ZNF565: variants seen among roughly 807,000 people sequenced by gnomAD.
ZNF565 encodes the protein zinc finger protein 565.
A neutral mutation model predicts 39.4 loss-of-function variants in ZNF565; 27 were observed. That is an observed-to-expected ratio of 0.69 (90% CI 0.51 to 0.95). The LOEUF (loss-of-function observed/expected upper bound fraction) is 0.95, where lower values mean the gene tolerates loss of function less well. Among genes scored for constraint, ZNF565 ranks in the 40% least tolerant of loss-of-function variants. ZNF565 has a pLI of 0.00. For synonymous variants in ZNF565, 185 were observed against 216.6 expected (o/e 0.85, Z 1.28); for missense variants, 524 against 621.1 (o/e 0.84, Z 1.66).
At chr19:36,235,326 A>G (rs1467614147) in intron 1 of ZNF565, among the ~76,000 whole-genome samples, 1 of 152,104 alleles carries the variant, frequency 6.6e-6, no homozygotes, top group African/African-American at 2.4e-5. Flanking sequence ...TTGTTATACA[A>G]CTTGCTAAAT....
At chr19:36,244,597 A>C (rs2029879621) in intron 1 of ZNF565, among the ~76,000 whole-genome samples, 1 of 152,012 alleles carries the variant, frequency 6.6e-6, no homozygotes, top group African/African-American at 2.4e-5. Context: ...TCACGCCTGT[A>C]ATTTCAGCAC....
intron 2 of ZNF565, among the ~76,000 whole-genome samples, chr19:36,196,646 G>A (rs1454087019): frequency 6.6e-6 from 1 of 152,128 alleles, no homozygotes; most frequent in East Asian, 1.9e-4. Flanking sequence ...AAAACACACA[G>A]CAAACCTGGG....
chr19:36,187,767 A>G (rs982194394), intron 4 of ZNF565, among the ~76,000 whole-genome samples: 2 of 151,828 alleles, frequency 1.3e-5, no homozygotes, highest in African/African-American at 4.8e-5. Flanking sequence ...CCTCCCGAGT[A>G]GCTGGGGCTA....
chr19:36,188,369 A>G (rs1365848381), intron 4 of ZNF565, among the ~76,000 whole-genome samples: 2 of 135,414 alleles, frequency 1.5e-5, no homozygotes, highest in Non-Finnish European at 3.4e-5. Flanking sequence ...AGGAAAAATA[A>G]AAGAGAGAGA....
At chr19:36,191,391 T>A in intron 4 of ZNF565, among the ~76,000 whole-genome samples, 1 of 149,842 alleles carries the variant, frequency 6.7e-6, no homozygotes, top group East Asian at 2.0e-4. Flanking sequence ...CAATCTCGGC[T>A]CTCAGCTACC....
At chr19:36,208,092 A>G (rs189541222) in intron 1 of ZNF565, among the ~76,000 whole-genome samples, 1 of 152,346 alleles carries the variant, frequency 6.6e-6, no homozygotes, top group African/African-American at 2.4e-5. Flanking sequence ...TTTTAAAAAG[A>G]GGAAGCTTCA....
rs2029892538 is a variant in ZNF565, at chr19:36,245,610, G to C, written c.-80C>G. The C allele has an allele frequency of 2.9e-6, 2 of 700,774 alleles. No individual in the cohort carries two copies. Among genetic ancestry groups the C allele is most frequent in the Non-Finnish European group, 5.2e-6 (2 of 383,740 alleles). The allele number at this position is 700,774 out of a possible 1,614,324, so 43.4% of individuals were successfully genotyped here. Reference sequence around the variant, plus strand: ...AGGAGGCTTGAGATGCAGCCTCCCAGCTTCGAGGCTACCACCTGCCCGAAT... The same window carrying C: ...AGGAGGCTTGAGATGCAGCCTCCCACCTTCGAGGCTACCACCTGCCCGAAT... On this transcript the variant is annotated 5_prime_UTR_variant, in exon 1 of 5. Coordinates refer to the ZNF565 transcript ENST00000355114. This position sits in a 1 kb window ranked among gnomAD's most constrained non-coding sequence, Gnocchi z 4.4.
intron 1 of ZNF565, among the ~76,000 whole-genome samples, chr19:36,204,180 G>A (rs1233910663): frequency 6.6e-6 from 1 of 151,898 alleles, no homozygotes; most frequent in African/African-American, 2.4e-5. Flanking sequence ...GAACTCCTGA[G>A]CTCAACTGAT....
chr19:36,194,198 G>T, intron 4 of ZNF565, 35 bp downstream of exon 4: 1 of 1,569,310 alleles, frequency 6.4e-7, no homozygotes, highest in Non-Finnish European at 8.7e-7. Context: ...GACTCATCCA[G>T]GGACCTTCCC....
Position 36,245,735 on chromosome 19 carries a change from C to G in ZNF565, c.-205G>C, listed in dbSNP as rs2029894322. The stretch of plus-strand genomic sequence containing the variant: ...CTCGAGCTATGACCCACCCTGGCTC[C>G]GTCCACGGTTGTCGGGGTCCCGGGC... On this transcript the variant is annotated 5_prime_UTR_variant, in exon 1 of 5. Coordinates refer to the ZNF565 transcript ENST00000355114. This position sits in a 1 kb window ranked among gnomAD's most constrained non-coding sequence, Gnocchi z 4.4. 1.8e-6 allele frequency: 1 copy of G among 555,000 alleles called. No homozygotes were observed. The highest frequency in any genetic ancestry group is 3.2e-6 in the Non-Finnish European group (1 of 312,876). 34.4% of individuals were successfully genotyped at this position (555,000 alleles called of 1,614,324 possible). A position where few individuals can be genotyped will look rare whatever the true frequency, so the allele number is the denominator to read the frequency against.
chr19:36,213,890 T>C (rs1976472387), intron 1 of ZNF565, among the ~76,000 whole-genome samples: 1 of 150,154 alleles, frequency 6.7e-6, no homozygotes, highest in Admixed American at 6.7e-5. Flanking sequence ...ACACACCCGC[T>C]AAGACACACC....
In ZNF565 at chr19:36,211,449, T is replaced by TCACACACACA. The variant is rs370230430; in HGVS notation, c.-66+3163_-66+3172dup. 1.1e-3 allele frequency among the ~76,000 whole-genome samples: 157 copies of TCACACACACA among 137,770 alleles called. No homozygotes were observed. The East Asian group carries it at 0.014, about 12-fold the overall frequency. The allele number at this position is 137,770 out of a possible 152,430, so 90.4% of individuals were successfully genotyped here. Reference sequence around the variant, plus strand: ...ACAAGAGCCAAACTCCAACTCTCTCTCACACACACACACACACACACACAC... The same window carrying TCACACACACA: ...ACAAGAGCCAAACTCCAACTCTCTCTCACACACACACACACACACACACACACACACACAC... On this transcript the variant is annotated intron_variant, in intron 1 of 4. Transcript: ENST00000304116.
chr19:36,191,483 A>T (rs1408311600), intron 4 of ZNF565, among the ~76,000 whole-genome samples: 1 of 151,894 alleles, frequency 6.6e-6, no homozygotes, highest in Non-Finnish European at 1.5e-5. Flanking sequence ...GGCAGGAAAA[A>T]TCTGAAATAA....
intron 1 of ZNF565, chr19:36,237,131 G>A: frequency 6.2e-7 from 1 of 1,614,186 alleles, no homozygotes; most frequent in Non-Finnish European, 8.5e-7. Context: ...CACTGTGCAT[G>A]TGAGAAGCCA....
chr19:36,225,754 T>TC, intron 1 of ZNF565, among the ~76,000 whole-genome samples: 1 of 72,716 alleles, frequency 1.4e-5, no homozygotes, highest in Non-Finnish European at 2.9e-5. Flanking sequence ...TTGTGATTCT[T>TC]TTTTTTTTTT....
At chr19:36,215,820 C>T (rs74852138), upstream of ZNF565, among the ~76,000 whole-genome samples, 2 of 152,140 alleles carry the variant, frequency 1.3e-5, no homozygotes, top group Admixed American at 6.5e-5. Flanking sequence ...TCCCATATAA[C>T]GGCGCCCAGG....
At chr19:36,227,923 G>C (rs1022370299) in intron 1 of ZNF565, among the ~76,000 whole-genome samples, 2 of 152,172 alleles carry the variant, frequency 1.3e-5, no homozygotes, top group African/African-American at 4.8e-5. Context: ...CACTTTGGGA[G>C]GCTGAGGTGG....
chr19:36,208,914 C>A (rs573288894), intron 1 of ZNF565, among the ~76,000 whole-genome samples: 13 of 152,224 alleles, frequency 8.5e-5, no homozygotes, highest in East Asian at 3.9e-4. Flanking sequence ...CTCATTGCAA[C>A]CTTGACCTCC....
intron 1 of ZNF565, among the ~76,000 whole-genome samples, chr19:36,221,577 C>T (rs1011136828): frequency 4.6e-5 from 7 of 152,066 alleles, no homozygotes; most frequent in South Asian, 2.1e-4. Context: ...CTTGAGCCAC[C>T]GTGCCTGGCC....
Sources: allele counts gnomAD v4.1 joint callset (sites outside exome capture counted in the v4.1 genomes callset), GRCh38; gene constraint gnomAD v4.1.1; non-coding constraint Gnocchi (gnomAD v3.1); transcripts MANE v1.5; gene names NCBI Gene and HGNC (gene_info 2026-07-23, HGNC 2026-07-21).